MYH10: variants seen among roughly 807,000 people sequenced by gnomAD.
The protein encoded by MYH10 is myosin heavy chain 10, also known as myosin-10.
A neutral mutation model predicts 257.8 loss-of-function variants in MYH10; 55 were observed. The ratio of observed to expected loss-of-function variants is 0.21; its 90% confidence interval spans 0.17 to 0.27. The LOEUF is 0.27. MYH10 is among the 10% of genes least tolerant of loss of function. The probability of loss-of-function intolerance (pLI) is 1.00; values close to 1 mark genes in which losing one functional copy is unlikely to be tolerated. For synonymous variants in MYH10, 854 were observed against 921.7 expected (o/e 0.93, Z 1.33); for missense variants, 1,631 against 2,500.6 (o/e 0.65, Z 7.42).
chr17:8,525,236 T>A (rs1447603587), intron 17 of MYH10, among the ~76,000 whole-genome samples: 1 of 152,206 alleles, frequency 6.6e-6, no homozygotes, highest in Non-Finnish European at 1.5e-5. Flanking sequence ...TTATGCTCGG[T>A]TTTCACCCTG....
intron 2 of MYH10, 95 bp downstream of exon 2, chr17:8,622,807 G>A: frequency 7.5e-7 from 1 of 1,341,784 alleles, no homozygotes; most frequent in Non-Finnish European, 1.0e-6. Flanking sequence ...CAGAGAGTTT[G>A]GGTATTCCAC....
At chr17:8,524,770 C>T (rs1465826868) in intron 17 of MYH10, among the ~76,000 whole-genome samples, 1 of 152,200 alleles carries the variant, frequency 6.6e-6, no homozygotes, top group African/African-American at 2.4e-5. Context: ...GTAGCAGCCA[C>T]TTCTAAAAGA....
intron 36 of MYH10, among the ~76,000 whole-genome samples, chr17:8,486,924 G>GT (rs1914911490): frequency 6.6e-6 from 1 of 152,120 alleles, no homozygotes; most frequent in African/African-American, 2.4e-5. Context: ...AAGGTCAAAG[G>GT]AAAAGTTTTC....
intron 40 of MYH10, among the ~76,000 whole-genome samples, chr17:8,479,224 C>T (rs1393407644): frequency 4.7e-5 from 7 of 150,372 alleles, no homozygotes; most frequent in Non-Finnish European, 1.0e-4. Flanking sequence ...GCTTTGGCAG[C>T]TCACATTGAA....
intron 7 of MYH10, among the ~76,000 whole-genome samples, chr17:8,566,777 GA>G (rs1352564191): frequency 1.3e-5 from 2 of 152,208 alleles, no homozygotes; most frequent in African/African-American, 4.8e-5. Context: ...AACTAATATA[GA>G]ATTATATCTG....
At chr17:8,564,924 G>A (rs1160670796) in intron 7 of MYH10, among the ~76,000 whole-genome samples, 1 of 152,168 alleles carries the variant, frequency 6.6e-6, no homozygotes, top group East Asian at 1.9e-4. Context: ...AGCTAGTTAG[G>A]AGAAGAAATG....
At chr17:8,485,748 T>C (rs545428903) in intron 36 of MYH10, among the ~76,000 whole-genome samples, 1 of 152,334 alleles carries the variant, frequency 6.6e-6, no homozygotes, top group East Asian at 1.9e-4. Flanking sequence ...AAAACTGCAG[T>C]GACTGTGGGA....
chr17:8,533,714 C>T (rs1398565656), intron 16 of MYH10, among the ~76,000 whole-genome samples: 1 of 152,178 alleles, frequency 6.6e-6, no homozygotes, highest in Admixed American at 6.5e-5. Flanking sequence ...AAAGGTAGTC[C>T]CTTCCTCTGT....
At chr17:8,480,672 A>C in intron 38 of MYH10, 147 bp from the exon 39 acceptor site, 3 of 1,024,470 alleles carry the variant, frequency 2.9e-6, no homozygotes, top group East Asian at 2.6e-5. Context: ...CCCCAAATCC[A>C]TCAGTAGGTC....
At chr17:8,595,519 G>A (rs951177068) in intron 3 of MYH10, among the ~76,000 whole-genome samples, 1 of 132,452 alleles carries the variant, frequency 7.5e-6, no homozygotes, top group African/African-American at 2.9e-5. Context: ...TGCAACCTCC[G>A]CCTCCCGGGT....
chr17:8,521,339 G>A, intron 17 of MYH10, 54 bp from the exon 18 acceptor site: 3 of 1,555,774 alleles, frequency 1.9e-6, no homozygotes, highest in Middle Eastern at 1.7e-4. Flanking sequence ...TCGTTAGCAG[G>A]GAAAGAAAAG....
At chr17:8,583,593 CTAT>C (rs2083789650) in intron 4 of MYH10, among the ~76,000 whole-genome samples, 1 of 152,176 alleles carries the variant, frequency 6.6e-6, no homozygotes, top group African/African-American at 2.4e-5. Flanking sequence ...CACCAGAGTT[CTAT>C]CTGACCACAC....
At chr17:8,628,820 G>A (rs2085780464) in intron 1 of MYH10, among the ~76,000 whole-genome samples, 2 of 152,116 alleles carry the variant, frequency 1.3e-5, no homozygotes, top group Non-Finnish European at 2.9e-5. Context: ...ACCCTACAAC[G>A]TGCCCTTCAA....
chr17:8,561,286 G>A, intron 7 of MYH10: 2 of 1,055,652 alleles, frequency 1.9e-6, no homozygotes, highest in South Asian at 2.5e-5. Flanking sequence ...GCCACGTGCA[G>A]GCTATTCGCT....
chr17:8,596,092 G>T (rs1400208247), intron 3 of MYH10, among the ~76,000 whole-genome samples: 2 of 151,534 alleles, frequency 1.3e-5, no homozygotes, highest in Non-Finnish European at 2.9e-5. Context: ...ATTTACAGGG[G>T]TGTTAAAAGT....
At chr17:8,542,316 G>A (rs914079322) in intron 13 of MYH10, 36 bp from the exon 14 acceptor site, 15 of 1,583,818 alleles carry the variant, frequency 9.5e-6, no homozygotes, top group Non-Finnish European at 1.3e-5. Flanking sequence ...CAAACATGGG[G>A]AGGTGGAGGG....
intron 2 of MYH10, among the ~76,000 whole-genome samples, chr17:8,614,413 G>A (rs534998684): frequency 1.9e-4 from 27 of 140,030 alleles, no homozygotes; most frequent in Middle Eastern, 4.1e-3. Context: ...CTGCCTTCCC[G>A]GTTCAGGCTA....
chr17:8,513,834 G>C lies in MYH10; in HGVS notation c.2565C>G (p.Ala855=). 1 of 1,614,184 alleles carries C rather than the reference G, an allele frequency of 6.2e-7. No homozygotes were observed. Among genetic ancestry groups the C allele is most frequent in the Non-Finnish European group, 8.5e-7 (1 of 1,180,024 alleles). Residue 855 remains alanine, a synonymous_variant, in exon 22 of 43, where the codon GCC becomes GCG. Transcript: ENST00000360416. ...SALKVLQRNC[A]AYLKLRHWQW... The stretch of plus-strand genomic sequence containing the variant: ...GCCAGTGCCGTAATTTCAGGTACGC[G>C]GCACAGTTCCGCTGCAAGACCTTTA...
chr17:8,505,338 GAAGA>G (rs1171559865), intron 27 of MYH10, among the ~76,000 whole-genome samples: 4 of 152,218 alleles, frequency 2.6e-5, no homozygotes, highest in Admixed American at 6.5e-5. Flanking sequence ...GAACACAGTA[GAAGA>G]AAGAGGCTCT....
Sources: gnomAD v4.1 joint callset for allele counts (sites outside exome capture counted in the v4.1 genomes callset) on GRCh38, gnomAD v4.1.1 for gene constraint, MANE v1.5 for transcripts, NCBI Gene and HGNC (gene_info 2026-07-23, HGNC 2026-07-21) for gene names.